Variants in CDH13 observed in about 807,000 individuals in gnomAD.
The protein encoded by CDH13 is cadherin-13.
CDH13 carries 24 observed loss-of-function variants against 63.8 expected under a neutral mutation model. The observed-to-expected ratio is 0.38, with a 90% CI of 0.27 to 0.53. The LOEUF (loss-of-function observed/expected upper bound fraction) is 0.53, where lower values mean the gene tolerates loss of function less well. CDH13 is among the 20% of genes least tolerant of loss of function. The pLI, the probability that CDH13 is intolerant of heterozygous loss-of-function variation, is 0.85. For missense variants in CDH13, 1,049 were observed against 903.1 expected, an observed-to-expected ratio of 1.16 and a Z score of -2.07; for synonymous variants, 503 against 355.3, an observed-to-expected ratio of 1.42 and a Z score of -4.67.
At chr16:83,555,510 G>A (rs1450589118) in intron 7 of CDH13, among the ~76,000 whole-genome samples, 2 of 152,160 alleles carry the variant, frequency 1.3e-5, no homozygotes, top group African/African-American at 4.8e-5. Context: ...AGTGTTCACT[G>A]GAAAAGCCGA....
intron 1 of CDH13, among the ~76,000 whole-genome samples, chr16:82,672,466 A>T (rs773199235): frequency 6.6e-6 from 1 of 151,996 alleles, no homozygotes; most frequent in Non-Finnish European, 1.5e-5. Flanking sequence ...TCCCTCCCTA[A>T]TCACTGTATT....
intron 3 of CDH13, among the ~76,000 whole-genome samples, chr16:83,116,346 G>A (rs1460911350): frequency 1.3e-5 from 2 of 152,168 alleles, no homozygotes; most frequent in South Asian, 2.1e-4. Flanking sequence ...GCTGATGGAG[G>A]AGTTGCTGAC....
chr16:83,075,209 T>C (rs1195932550), intron 3 of CDH13, among the ~76,000 whole-genome samples: 1 of 152,150 alleles, frequency 6.6e-6, no homozygotes, highest in Non-Finnish European at 1.5e-5. Flanking sequence ...ACACCCTGTC[T>C]TACTTCCCAA....
intron 2 of CDH13, among the ~76,000 whole-genome samples, chr16:83,022,555 C>G (rs1915440367): frequency 6.6e-6 from 1 of 152,184 alleles, no homozygotes. Context: ...GAGACTTTTT[C>G]CAAGACTAGC....
At chr16:83,221,079 G>C (rs1368524966) in intron 5 of CDH13, among the ~76,000 whole-genome samples, 2 of 152,138 alleles carry the variant, frequency 1.3e-5, no homozygotes, top group African/African-American at 4.8e-5. Flanking sequence ...TTGGATTTGG[G>C]ATCCATATCC....
chr16:83,385,137 A>ACATTT (rs1277235255), intron 6 of CDH13, among the ~76,000 whole-genome samples: 2 of 152,208 alleles, frequency 1.3e-5, no homozygotes, highest in African/African-American at 4.8e-5. Flanking sequence ...TTTTTTGCAA[A>ACATTT]CATTTCATCC....
At chr16:82,802,907 C>G (rs545566053) in intron 1 of CDH13, among the ~76,000 whole-genome samples, 4 of 152,268 alleles carry the variant, frequency 2.6e-5, no homozygotes, top group Non-Finnish European at 5.9e-5. Flanking sequence ...CTTTGCTGTC[C>G]TCCTTACTTT....
At chr16:83,009,408 A>C (rs564564092) in intron 2 of CDH13, among the ~76,000 whole-genome samples, 2 of 152,336 alleles carry the variant, frequency 1.3e-5, no homozygotes, top group Non-Finnish European at 2.9e-5. Flanking sequence ...TAATGAAATT[A>C]CACTTGCAAC....
At chr16:82,776,145 G>A (rs1832299329) in intron 1 of CDH13, among the ~76,000 whole-genome samples, 1 of 152,082 alleles carries the variant, frequency 6.6e-6, no homozygotes, top group South Asian at 2.1e-4. Flanking sequence ...AGGAGGCAGA[G>A]GTTGCAGTGA....
chr16:83,724,943 T>G (rs1395573752), intron 10 of CDH13, among the ~76,000 whole-genome samples: 1 of 152,188 alleles, frequency 6.6e-6, no homozygotes, highest in South Asian at 2.1e-4. Context: ...GTGTCCTCAT[T>G]AGGCCAATCA....
chr16:83,581,658 A>G (rs1905612884), intron 7 of CDH13, among the ~76,000 whole-genome samples: 1 of 152,152 alleles, frequency 6.6e-6, no homozygotes, highest in African/African-American at 2.4e-5. Flanking sequence ...TCTCTACAAC[A>G]AAATGCAAAA....
chr16:83,788,738 G>A (rs907320037), intron 13 of CDH13, among the ~76,000 whole-genome samples: 2 of 152,172 alleles, frequency 1.3e-5, no homozygotes, highest in African/African-American at 4.8e-5. Flanking sequence ...TACCAAATGT[G>A]CTTTATGTGC....
chr16:83,670,210 T>C (rs1029685814), intron 8 of CDH13, among the ~76,000 whole-genome samples: 4 of 152,232 alleles, frequency 2.6e-5, no homozygotes, highest in Non-Finnish European at 1.5e-5. Flanking sequence ...GCAGAGGATC[T>C]GGGGTCAAAT....
chr16:82,793,066 G>A (rs910144309), intron 1 of CDH13, among the ~76,000 whole-genome samples: 1 of 152,224 alleles, frequency 6.6e-6, no homozygotes, highest in South Asian at 2.1e-4. Context: ...TTCACAGATG[G>A]CTAAGTTAAA....
In CDH13 at chr16:83,525,719, C is replaced by T. The variant is rs373957813; in HGVS notation, c.960+39064C>T. ...AGATGTGATTAAGGAGTCCTTGAGTCGGGGAGATGATTCTGAGTTATCTTG... is the reference window on the plus strand; with the variant it reads ...AGATGTGATTAAGGAGTCCTTGAGTTGGGGAGATGATTCTGAGTTATCTTG... On this transcript the variant is annotated intron_variant, in intron 7 of 13. Transcript: ENST00000567109. 3.8e-3 allele frequency among the ~76,000 whole-genome samples: 577 copies of T among 152,092 alleles called. 3 individuals carry two copies. Among genetic ancestry groups the T allele is most frequent in the African/African-American group, 0.013 (557 of 41,492 alleles).
At chr16:83,536,377 G>A (rs1003074571) in intron 7 of CDH13, among the ~76,000 whole-genome samples, 2 of 152,164 alleles carry the variant, frequency 1.3e-5, no homozygotes, top group Non-Finnish European at 2.9e-5. Flanking sequence ...AGGTCTCCTT[G>A]TGGACGTGAT....
At chr16:82,759,812 A>T (rs983528360) in intron 1 of CDH13, among the ~76,000 whole-genome samples, 1 of 151,982 alleles carries the variant, frequency 6.6e-6, no homozygotes, top group Non-Finnish European at 1.5e-5. Context: ...GTGCTTATTG[A>T]GTAATTCTCC....
At chr16:82,750,196 A>T (rs1022489804) in intron 1 of CDH13, among the ~76,000 whole-genome samples, 2 of 152,226 alleles carry the variant, frequency 1.3e-5, no homozygotes, top group Admixed American at 6.5e-5. Flanking sequence ...AACAGAAATC[A>T]GGAAGCAGAT....
intron 2 of CDH13, among the ~76,000 whole-genome samples, chr16:83,006,002 A>C (rs773930398): frequency 2.0e-4 from 31 of 152,190 alleles, no homozygotes; most frequent in Non-Finnish European, 3.5e-4. Flanking sequence ...TTGACAATAG[A>C]ATTTAAGTAT....
Sources: gnomAD v4.1 joint callset for allele counts (sites outside exome capture counted in the v4.1 genomes callset) on GRCh38, gnomAD v4.1.1 for gene constraint, MANE v1.5 for transcripts, NCBI Gene and HGNC (gene_info 2026-07-23, HGNC 2026-07-21) for gene names.